The following PRKCE variants were observed in gnomAD, a reference collection of about 807,000 sequenced individuals.
PRKCE encodes the protein protein kinase C epsilon type.
A neutral mutation model predicts 85.4 loss-of-function variants in PRKCE; 16 were observed. The observed-to-expected ratio is 0.19, with a 90% CI of 0.13 to 0.28. The LOEUF is 0.28. Ranked by LOEUF, PRKCE falls within the 10% of genes least tolerant of loss-of-function variation. The probability of loss-of-function intolerance (pLI) is 1.00; values close to 1 mark genes in which losing one functional copy is unlikely to be tolerated. For missense variants in PRKCE, 573 were observed against 975.2 expected (o/e 0.59, Z 5.49); for synonymous variants, 388 against 371.5 (o/e 1.04, Z -0.51).
intron 2 of PRKCE, among the ~76,000 whole-genome samples, chr2:45,894,418 A>T (rs903800620): frequency 6.6e-6 from 1 of 150,890 alleles, no homozygotes; most frequent in Non-Finnish European, 1.5e-5. Context: ...TAAACTTAAG[A>T]TAGAGGGCAA....
Position 46,107,159 on chromosome 2 carries a change from TC to T in PRKCE, c.1592+20799del, listed in dbSNP as rs529697152. On this transcript the variant is annotated intron_variant, in intron 11 of 14. Coordinates refer to ENST00000306156, the MANE Select transcript of PRKCE (RefSeq NM_005400.3). Reference sequence around the variant, plus strand: ...GTGCTTTACCTATCCAACTCTCTCCTCCTCCCTAAACCCCTGATAACCACTT... The same window carrying T: ...GTGCTTTACCTATCCAACTCTCTCCTCTCCCTAAACCCCTGATAACCACTT... Among the ~76,000 whole-genome samples the T allele has an allele frequency of 3.3e-5, 5 of 152,328 alleles. No individual in the cohort carries two copies. The South Asian group carries it at 1.0e-3, about 32-fold the overall frequency.
At chr2:45,873,123 T>C (rs1350416118) in intron 2 of PRKCE, among the ~76,000 whole-genome samples, 1 of 152,176 alleles carries the variant, frequency 6.6e-6, no homozygotes, top group Admixed American at 6.5e-5. Context: ...GAGCGATGGC[T>C]CTCACATATA....
chr2:46,087,889 G>T (rs1025187359), intron 11 of PRKCE, among the ~76,000 whole-genome samples: 9 of 152,182 alleles, frequency 5.9e-5, no homozygotes, highest in Non-Finnish European at 1.2e-4. Flanking sequence ...TTCAAGGCCA[G>T]CAGGAGAGCA....
At chr2:45,887,120 C>T (rs1318375645) in intron 2 of PRKCE, among the ~76,000 whole-genome samples, 1 of 152,198 alleles carries the variant, frequency 6.6e-6, no homozygotes, top group Non-Finnish European at 1.5e-5. Flanking sequence ...CAGAGTTGCT[C>T]CTCCAGAAGT....
At chr2:45,742,673 A>G (rs752567517) in intron 1 of PRKCE, among the ~76,000 whole-genome samples, 3 of 152,226 alleles carry the variant, frequency 2.0e-5, no homozygotes, top group South Asian at 2.1e-4. Flanking sequence ...AGAAAAAGGA[A>G]TCCCTTTACA....
chr2:45,924,364 G>A (rs1349438335), intron 2 of PRKCE, among the ~76,000 whole-genome samples: 1 of 152,196 alleles, frequency 6.6e-6, no homozygotes, highest in East Asian at 1.9e-4. Context: ...TAGACCAGTT[G>A]TTTTTGAATA....
At chr2:45,829,941 C>T (rs542885875) in intron 1 of PRKCE, among the ~76,000 whole-genome samples, 18 of 151,468 alleles carry the variant, frequency 1.2e-4, no homozygotes, top group South Asian at 8.4e-4. Flanking sequence ...GGCGTGGTAG[C>T]GGGCGCCTGT....
intron 1 of PRKCE, among the ~76,000 whole-genome samples, chr2:45,701,968 C>T (rs1678679790): frequency 6.6e-6 from 1 of 152,124 alleles, no homozygotes; most frequent in African/African-American, 2.4e-5. Context: ...TGAGGCGGAT[C>T]ACCTGACGTC....
chr2:45,898,640 GTT>G (rs1044906909), intron 2 of PRKCE, among the ~76,000 whole-genome samples: 45 of 152,328 alleles, frequency 3.0e-4, no homozygotes, highest in African/African-American at 9.4e-4. Context: ...GAAGCTGGCT[GTT>G]ACTATCATTA....
At position 46,185,556 on chromosome 2, in the gene PRKCE, G is replaced by T. The variant is rs953114878; in HGVS notation, c.*675G>T. On this transcript the variant is annotated 3_prime_UTR_variant, in exon 15 of 15. Coordinates refer to ENST00000306156, the MANE Select transcript of PRKCE (RefSeq NM_005400.3). This position sits in a 1 kb window ranked among gnomAD's most constrained non-coding sequence, Gnocchi z 4.7. ...ATCCTCTTTGTGGAAAAAGAAACAG[G>T]GTTTTGAACTCTGTTAACATTTGAA... The T allele has an allele frequency of 6.6e-6, 1 of 152,612 alleles. No homozygotes were observed. Among genetic ancestry groups the T allele is most frequent in the Admixed American group, 6.5e-5 (1 of 15,276 alleles). 9.5% of individuals were successfully genotyped at this position (152,612 alleles called of 1,614,324 possible).
intron 10 of PRKCE, among the ~76,000 whole-genome samples, chr2:46,053,607 T>A (rs1708990867): frequency 6.6e-6 from 1 of 152,222 alleles, no homozygotes; most frequent in Admixed American, 6.5e-5. Context: ...ACAGTATCTA[T>A]CTTTTTGTGT....
At chr2:46,077,944 T>C (rs1463456595) in intron 10 of PRKCE, 1 of 152,218 alleles carries the variant, frequency 6.6e-6, no homozygotes, top group African/African-American at 2.4e-5. Context: ...TTTTCATTTA[T>C]TCTAATGATG....
intron 11 of PRKCE, among the ~76,000 whole-genome samples, chr2:46,093,405 T>G (rs1307780579): frequency 9.9e-5 from 4 of 40,412 alleles, no homozygotes; most frequent in Non-Finnish European, 2.9e-4. Flanking sequence ...AAAAAGCAGT[T>G]TTTTTTTTTT....
Position 46,155,805 on chromosome 2 carries a change from C to T in PRKCE, c.1921-3801C>T, listed in dbSNP as rs1677140026. Among the ~76,000 whole-genome samples the T allele has an allele frequency of 1.3e-5, 2 of 152,140 alleles. No homozygotes were observed. The highest frequency in any genetic ancestry group is 4.8e-5 in the African/African-American group (2 of 41,432). ...TTACCTTTCTCCATCCTTCTCCCCA[C>T]TATCCCCATTGGAGCCACCACCGCC... On this transcript the variant is annotated intron_variant, in intron 13 of 14. Transcript: ENST00000306156. The surrounding 1 kb of genome is among the most constrained non-coding windows in gnomAD (Gnocchi z 4.7).
intron 10 of PRKCE, among the ~76,000 whole-genome samples, chr2:46,021,251 G>T (rs762317291): frequency 3.9e-5 from 6 of 152,170 alleles, no homozygotes; most frequent in Non-Finnish European, 8.8e-5. Context: ...TGGCTAAGTT[G>T]TGGAGTTCTT....
At chr2:45,778,675 G>C (rs1685948924) in intron 1 of PRKCE, among the ~76,000 whole-genome samples, 1 of 152,122 alleles carries the variant, frequency 6.6e-6, no homozygotes. Context: ...CTATCATGGG[G>C]AAATTAATAT....
intron 10 of PRKCE, among the ~76,000 whole-genome samples, chr2:46,036,201 G>A (rs1707846484): frequency 6.6e-6 from 1 of 152,152 alleles, no homozygotes; most frequent in African/African-American, 2.4e-5. Context: ...CTCATGGTTG[G>A]AGACAGAGGG....
chr2:45,692,737 A>T lies in PRKCE; in HGVS notation c.348+40289A>T, dbSNP rs530914724. ...CACACACACACACACACACCCATGCACACACACCCCCACACACACCCCACT... is the reference window on the plus strand; with the variant it reads ...CACACACACACACACACACCCATGCTCACACACCCCCACACACACCCCACT... On this transcript the variant is annotated intron_variant, in intron 1 of 14. Transcript: ENST00000306156. 7.9e-5 allele frequency among the ~76,000 whole-genome samples: 12 copies of T among 151,642 alleles called. No homozygotes were observed. The East Asian group carries it at 1.9e-3, about 24-fold the overall frequency.
intron 1 of PRKCE, among the ~76,000 whole-genome samples, chr2:45,723,122 A>C (rs1680757230): frequency 6.6e-6 from 1 of 152,132 alleles, no homozygotes; most frequent in African/African-American, 2.4e-5. Context: ...CAAAAAGATA[A>C]GTTAACAGTG....
Sources: allele counts gnomAD v4.1 joint callset (sites outside exome capture counted in the v4.1 genomes callset), GRCh38; gene constraint gnomAD v4.1.1; non-coding constraint Gnocchi (gnomAD v3.1); transcripts MANE v1.5; gene names NCBI Gene and HGNC (gene_info 2026-07-23, HGNC 2026-07-21).